Variants in DNAJC24 observed in about 807,000 individuals in gnomAD.
DNAJC24 encodes DnaJ heat shock protein family (Hsp40) member C24, also known as dnaJ homolog subfamily C member 24.
In DNAJC24, 17 loss-of-function variants were observed where a neutral mutation model predicts 18.0. The observed-to-expected ratio is 0.94, with a 90% CI of 0.65 to 1.42. DNAJC24 has a LOEUF of 1.42. Among genes scored for constraint, DNAJC24 ranks in the 40% most tolerant of loss-of-function variants. The probability of loss-of-function intolerance (pLI) is 0.00; values close to 1 mark genes in which losing one functional copy is unlikely to be tolerated. For synonymous variants in DNAJC24, 55 were observed against 57.7 expected, an observed-to-expected ratio of 0.95 and a Z score of 0.21; for missense variants, 158 against 175.6, an observed-to-expected ratio of 0.90 and a Z score of 0.57.
At chr11:31,428,035 T>C (rs1591924738) in intron 4 of DNAJC24, 1 of 148,822 alleles carries the variant, frequency 6.7e-6, no homozygotes, top group South Asian at 2.1e-4. Flanking sequence ...ATTAGAAGTA[T>C]ATTATATATA....
intron 2 of DNAJC24, among the ~76,000 whole-genome samples, chr11:31,402,856 T>G (rs917276321): frequency 2.6e-5 from 4 of 151,352 alleles, no homozygotes; most frequent in African/African-American, 9.7e-5. Flanking sequence ...ACAGCATTTC[T>G]ACAAATGTGA....
intron 2 of DNAJC24, among the ~76,000 whole-genome samples, chr11:31,377,293 T>C (rs1338054428): frequency 6.6e-6 from 1 of 152,152 alleles, no homozygotes; most frequent in Non-Finnish European, 1.5e-5. Flanking sequence ...TTTCAGTTTT[T>C]GTAAATGTAA....
chr11:31,423,245 A>G (rs1952826003), intron 3 of DNAJC24, among the ~76,000 whole-genome samples: 1 of 152,086 alleles, frequency 6.6e-6, no homozygotes, highest in Admixed American at 6.6e-5. Context: ...ATTTAACCAG[A>G]AAGCCTCTGG....
At chr11:31,421,915 A>T (rs1004850676) in intron 3 of DNAJC24, 1 of 429,414 alleles carries the variant, frequency 2.3e-6, no homozygotes, top group African/African-American at 2.0e-5. Flanking sequence ...ATTTAATGTT[A>T]TTCTTCAGTG....
At chr11:31,414,391 C>G (rs1952735482) in intron 2 of DNAJC24, among the ~76,000 whole-genome samples, 2 of 152,094 alleles carry the variant, frequency 1.3e-5, no homozygotes, top group African/African-American at 4.8e-5. Context: ...CCTAGTGGTC[C>G]ATTTTATAAT....
chr11:31,376,557 G>A (rs988515628), intron 2 of DNAJC24, among the ~76,000 whole-genome samples: 3 of 152,118 alleles, frequency 2.0e-5, no homozygotes, highest in Non-Finnish European at 4.4e-5. Context: ...GATAGGCTTT[G>A]TTACCCCTAT....
chr11:31,370,229 T>C (rs1289641052), intron 1 of DNAJC24, among the ~76,000 whole-genome samples: 2 of 152,134 alleles, frequency 1.3e-5, no homozygotes, highest in East Asian at 3.9e-4. Context: ...CATATCATGC[T>C]CTCCAGACAA....
chr11:31,407,528 T>C (rs1331042487), intron 2 of DNAJC24: 1 of 150,804 alleles, frequency 6.6e-6, no homozygotes, highest in East Asian at 1.9e-4. Context: ...CTACAGAAAA[T>C]ACAAAAATTA....
chr11:31,403,013 C>G (rs1157444737), intron 2 of DNAJC24, among the ~76,000 whole-genome samples: 1 of 152,146 alleles, frequency 6.6e-6, no homozygotes, highest in Non-Finnish European at 1.5e-5. Context: ...TGACGGTATT[C>G]TCTTTTAAAT....
At chr11:31,423,490 A>G (rs1336681392) in intron 3 of DNAJC24, among the ~76,000 whole-genome samples, 1 of 151,880 alleles carries the variant, frequency 6.6e-6, no homozygotes, top group Non-Finnish European at 1.5e-5. Flanking sequence ...CGAACTCCTG[A>G]CCTCAGGTGA....
chr11:31,374,260 A>G (rs2133465720), intron 2 of DNAJC24: 1 of 180,712 alleles, frequency 5.5e-6, no homozygotes, highest in South Asian at 8.0e-5. Context: ...AGCTTGGGGA[A>G]ATTCTTCCAA....
intron 2 of DNAJC24, among the ~76,000 whole-genome samples, chr11:31,397,337 A>T (rs1308224287): frequency 1.3e-5 from 2 of 152,230 alleles, no homozygotes; most frequent in Non-Finnish European, 2.9e-5. Context: ...AAACCTTAAA[A>T]GAGTTTAAAA....
At chr11:31,390,395 C>CAAAAAAAA (rs370680501) in intron 2 of DNAJC24, among the ~76,000 whole-genome samples, 1 of 48,568 alleles carries the variant, frequency 2.1e-5, no homozygotes, top group Non-Finnish European at 3.7e-5. Context: ...GACTCTATCT[C>CAAAAAAAA]AAAAAAAAAA....
chr11:31,389,075 G>C (rs1952460812), intron 2 of DNAJC24, among the ~76,000 whole-genome samples: 1 of 149,644 alleles, frequency 6.7e-6, no homozygotes, highest in African/African-American at 2.5e-5. Flanking sequence ...TTCACTGTAA[G>C]GAAGACAGGA....
chr11:31,395,271 T>C (rs1952533958), intron 2 of DNAJC24, among the ~76,000 whole-genome samples: 1 of 152,220 alleles, frequency 6.6e-6, no homozygotes, highest in Admixed American at 6.5e-5. Flanking sequence ...TACGACATTT[T>C]GTTTATCCAG....
At chr11:31,400,550 A>G (rs563133435) in intron 2 of DNAJC24, among the ~76,000 whole-genome samples, 2 of 152,344 alleles carry the variant, frequency 1.3e-5, no homozygotes, top group African/African-American at 4.8e-5. Flanking sequence ...ATGGAACAGA[A>G]CAGAGACCTT....
intron 2 of DNAJC24, 33 bp downstream of exon 2, chr11:31,370,892 G>T: frequency 7.0e-7 from 1 of 1,426,016 alleles, no homozygotes; most frequent in South Asian, 1.3e-5. Flanking sequence ...TAAATCATGA[G>T]GGGAAAAAAA....
In DNAJC24 at chr11:31,409,858, T is replaced by G. The variant is rs574872162; in HGVS notation, c.112-4953T>G. On this transcript the variant is annotated intron_variant, in intron 2 of 4. Coordinates refer to ENST00000465995, the MANE Select transcript of DNAJC24 (RefSeq NM_181706.5). ...TGGTTATTTCATATCTTATCAACAC[T>G]TGGTGTTATCAGCATTTTTTTTTCT... Among the ~76,000 whole-genome samples the G allele has an allele frequency of 2.5e-3, 373 of 152,112 alleles. 1 individual carries two copies. The highest frequency in any genetic ancestry group is 7.8e-3 in the African/African-American group (324 of 41,510).
At chr11:31,390,217 G>A (rs192775563) in intron 2 of DNAJC24, among the ~76,000 whole-genome samples, 13 of 152,048 alleles carry the variant, frequency 8.5e-5, no homozygotes, top group Admixed American at 3.3e-4. Context: ...CCAACATGGC[G>A]GAACCCTGTC....
Sources: gnomAD v4.1 joint callset for allele counts (sites outside exome capture counted in the v4.1 genomes callset) on GRCh38, gnomAD v4.1.1 for gene constraint, MANE v1.5 for transcripts, NCBI Gene and HGNC (gene_info 2026-07-23, HGNC 2026-07-21) for gene names.